AFG1L: variants seen among roughly 807,000 people sequenced by gnomAD.
AFG1L encodes AFG1 like ATPase, also known as AFG1-like ATPase.
A neutral mutation model predicts 62.2 loss-of-function variants in AFG1L; 53 were observed. The ratio of observed to expected loss-of-function variants is 0.85; its 90% CI spans 0.68 to 1.07. The LOEUF is 1.07. Ranked by LOEUF, AFG1L falls within the 50% of genes least tolerant of loss-of-function variation. The pLI is 0.00. For missense variants in AFG1L, 555 were observed against 590.5 expected (o/e 0.94, Z 0.62); for synonymous variants, 228 against 210.3 (o/e 1.08, Z -0.73).
rs771605077 is a variant in AFG1L, at chr6:108,311,856, T to G, written c.140-11969T>G. Among the ~76,000 whole-genome samples the G allele has an allele frequency of 2.0e-5, 3 of 152,214 alleles. No individual in the cohort carries two copies. In the East Asian group the frequency reaches 5.8e-4, roughly 29 times the overall value. On this transcript the variant is annotated intron_variant, in intron 1 of 12. Transcript: ENST00000368977. ...GATAATTAAGTTATTTATTTATTTA[T>G]GTATTTTATTTTATTTTATTTTTTT...
At chr6:108,335,784 C>T (rs941597527) in intron 2 of AFG1L, among the ~76,000 whole-genome samples, 12 of 152,240 alleles carry the variant, frequency 7.9e-5, no homozygotes, top group Admixed American at 3.9e-4. Context: ...AAAACTAGCC[C>T]GCTGTCATTT....
chr6:108,356,137 CTAGTGATCTTACGT>C (rs368138496), intron 4 of AFG1L, among the ~76,000 whole-genome samples: 74 of 152,316 alleles, frequency 4.9e-4, no homozygotes, highest in African/African-American at 1.7e-3. Flanking sequence ...TATTGCTTTG[CTAGTGATCTTACGT>C]TATTTCACTT....
chr6:108,405,776 T>C (rs895172180), intron 7 of AFG1L, among the ~76,000 whole-genome samples: 5 of 152,226 alleles, frequency 3.3e-5, no homozygotes, highest in Admixed American at 6.5e-5. Context: ...CACTAAATGA[T>C]AACCACCCAT....
intron 7 of AFG1L, among the ~76,000 whole-genome samples, chr6:108,403,691 A>G (rs1404241910): frequency 6.6e-6 from 1 of 152,140 alleles, no homozygotes; most frequent in African/African-American, 2.4e-5. Context: ...TGCTAAAAAT[A>G]GTGTCTTCAT....
At chr6:108,319,846 G>A in intron 1 of AFG1L, 1 of 401,224 alleles carries the variant, frequency 2.5e-6, no homozygotes, top group Non-Finnish European at 5.0e-6. Flanking sequence ...CTCTGTGGAT[G>A]GTAGTCTCAG....
At chr6:108,335,942 C>A (rs768312818) in intron 2 of AFG1L, among the ~76,000 whole-genome samples, 1 of 152,110 alleles carries the variant, frequency 6.6e-6, no homozygotes, top group Non-Finnish European at 1.5e-5. Flanking sequence ...AAGCACACCC[C>A]CAACTTATTT....
intron 5 of AFG1L, among the ~76,000 whole-genome samples, chr6:108,360,879 G>C (rs144650846): frequency 3.9e-5 from 6 of 152,328 alleles, no homozygotes; most frequent in Admixed American, 6.5e-5. Flanking sequence ...CCAGCACTCT[G>C]ATCCCCACCA....
intron 7 of AFG1L, among the ~76,000 whole-genome samples, chr6:108,421,149 A>T (rs936728426): frequency 2.0e-5 from 3 of 152,194 alleles, no homozygotes; most frequent in African/African-American, 7.2e-5. Context: ...AAAAGAAAGC[A>T]TGAGGAGAAG....
intron 2 of AFG1L, among the ~76,000 whole-genome samples, chr6:108,338,441 T>C (rs1336310952): frequency 6.6e-6 from 1 of 152,160 alleles, no homozygotes; most frequent in African/African-American, 2.4e-5. Flanking sequence ...CACAATGCCA[T>C]TAGTATATCA....
chr6:108,365,208 T>G (rs545796102), intron 5 of AFG1L, among the ~76,000 whole-genome samples: 2 of 152,306 alleles, frequency 1.3e-5, no homozygotes, highest in South Asian at 4.1e-4. Flanking sequence ...TATTATATAC[T>G]TAGGGGAAGT....
chr6:108,302,974 C>G (rs1446537062), intron 1 of AFG1L, among the ~76,000 whole-genome samples: 1 of 151,912 alleles, frequency 6.6e-6, no homozygotes, highest in South Asian at 2.1e-4. Context: ...ATCGGAGTTT[C>G]GCTCTGTCAC....
chr6:108,488,845 C>T (rs543760094), intron 10 of AFG1L, among the ~76,000 whole-genome samples: 2 of 150,834 alleles, frequency 1.3e-5, no homozygotes, highest in Non-Finnish European at 2.9e-5. Context: ...GAGCGAGACT[C>T]TGTCTCCAGA....
chr6:108,330,915 A>G (rs1778254700), intron 2 of AFG1L, among the ~76,000 whole-genome samples: 1 of 152,246 alleles, frequency 6.6e-6, no homozygotes, highest in South Asian at 2.1e-4. Context: ...TATAAGCGAC[A>G]GAAAATGAAC....
chr6:108,408,432 A>G (rs182162982), intron 7 of AFG1L, among the ~76,000 whole-genome samples: 21 of 152,274 alleles, frequency 1.4e-4, no homozygotes, highest in Admixed American at 3.9e-4. Context: ...TACATTCCCT[A>G]TGCAGATATC....
intron 7 of AFG1L, among the ~76,000 whole-genome samples, chr6:108,417,287 C>CA (rs58714925): frequency 1.8e-4 from 15 of 81,656 alleles, no homozygotes; most frequent in South Asian, 1.0e-3. Flanking sequence ...CACACACACA[C>CA]AAAAAAAAAA....
At chr6:108,493,561 C>T (rs1408390573) in intron 10 of AFG1L, among the ~76,000 whole-genome samples, 4 of 152,138 alleles carry the variant, frequency 2.6e-5, no homozygotes, top group African/African-American at 4.8e-5. Context: ...TTCTGTTGTA[C>T]GGTCGAACCC....
At chr6:108,408,242 G>C (rs1035007078) in intron 7 of AFG1L, among the ~76,000 whole-genome samples, 11 of 151,644 alleles carry the variant, frequency 7.3e-5, no homozygotes, top group African/African-American at 2.7e-4. Context: ...CATTATTCCA[G>C]GTCTGTTTTA....
chr6:108,467,042 A>G (rs1010326329), intron 8 of AFG1L, among the ~76,000 whole-genome samples: 3 of 152,036 alleles, frequency 2.0e-5, no homozygotes, highest in African/African-American at 7.2e-5. Flanking sequence ...ATGAAGCAAT[A>G]TGTACTTATG....
intron 12 of AFG1L, chr6:108,520,668 G>A (rs1360920885): frequency 6.6e-6 from 1 of 152,168 alleles, no homozygotes; most frequent in Non-Finnish European, 1.5e-5. Context: ...GGAGAACGAG[G>A]CCAATTTAAA....
Sources: gnomAD v4.1 joint callset for allele counts (sites outside exome capture counted in the v4.1 genomes callset) on GRCh38, gnomAD v4.1.1 for gene constraint, MANE v1.5 for transcripts, NCBI Gene and HGNC (gene_info 2026-07-23, HGNC 2026-07-21) for gene names.